The following SYT1 variants were observed in gnomAD, a reference collection of about 807,000 sequenced individuals.
The protein encoded by SYT1 is synaptotagmin-1.
SYT1 carries 8 observed loss-of-function variants against 44.8 expected under a neutral mutation model. The ratio of observed to expected loss-of-function variants is 0.18; its 90% CI spans 0.10 to 0.32. SYT1 has a LOEUF of 0.32. Among genes scored for constraint, SYT1 ranks in the 10% least tolerant of loss-of-function variants. The pLI, the probability that SYT1 is intolerant of heterozygous loss-of-function variation, is 1.00. For missense variants in SYT1, 286 were observed against 509.3 expected, an observed-to-expected ratio of 0.56 and a Z score of 4.22; for synonymous variants, 154 against 188.8, an observed-to-expected ratio of 0.82 and a Z score of 1.51.
chr12:79,274,293 C>T (rs1044701969), intron 4 of SYT1, among the ~76,000 whole-genome samples: 2 of 152,112 alleles, frequency 1.3e-5, no homozygotes, highest in Admixed American at 6.5e-5. Flanking sequence ...GGAAGTCTTG[C>T]ATCCTGGGTC....
At chr12:79,142,305 C>A (rs111821964) in intron 3 of SYT1, among the ~76,000 whole-genome samples, 40 of 152,304 alleles carry the variant, frequency 2.6e-4, no homozygotes, top group African/African-American at 9.6e-4. Context: ...AAAGTTACAG[C>A]TGAGAAATTA....
intron 1 of SYT1, among the ~76,000 whole-genome samples, chr12:78,903,415 A>G (rs1481881903): frequency 6.6e-6 from 1 of 151,826 alleles, no homozygotes; most frequent in Non-Finnish European, 1.5e-5. Context: ...CCTCCTGTGT[A>G]GCCTGGGATT....
intron 3 of SYT1, among the ~76,000 whole-genome samples, chr12:79,129,746 A>G (rs1868684167): frequency 6.6e-6 from 1 of 152,170 alleles, no homozygotes; most frequent in South Asian, 2.1e-4. Context: ...AGTACCTTTT[A>G]TCATCAAACC....
intron 8 of SYT1, among the ~76,000 whole-genome samples, chr12:79,315,213 A>G (rs1881025829): frequency 6.6e-6 from 1 of 151,992 alleles, no homozygotes; most frequent in Admixed American, 6.6e-5. Context: ...ATTAAATACA[A>G]TTAAAAAAAT....
chr12:79,148,143 G>A (rs1870039791), intron 3 of SYT1, among the ~76,000 whole-genome samples: 1 of 152,112 alleles, frequency 6.6e-6, no homozygotes, highest in Non-Finnish European at 1.5e-5. Flanking sequence ...GCAATCATAG[G>A]CATTTCAAAA....
At chr12:78,993,079 T>C (rs7976124) in intron 2 of SYT1, among the ~76,000 whole-genome samples, 31,201 of 152,088 alleles carry the variant, frequency 0.21, 3,800 homozygotes, top group African/African-American at 0.35. Flanking sequence ...TGCATCTACC[T>C]GCAACTCATC....
chr12:79,350,384 C>T (rs1306314074), intron 8 of SYT1, among the ~76,000 whole-genome samples: 3 of 151,460 alleles, frequency 2.0e-5, no homozygotes, highest in Non-Finnish European at 4.4e-5. Context: ...TCCAGAGTAG[C>T]TGGGACTACA....
intron 4 of SYT1, among the ~76,000 whole-genome samples, chr12:79,265,776 G>GA (rs1207682070): frequency 1.3e-5 from 2 of 152,084 alleles, no homozygotes; most frequent in South Asian, 2.1e-4. Context: ...CTCAGAAAGT[G>GA]AAAAAAACTA....
chr12:78,952,560 C>T (rs1879021597), intron 1 of SYT1, among the ~76,000 whole-genome samples: 1 of 152,030 alleles, frequency 6.6e-6, no homozygotes, highest in African/African-American at 2.4e-5. Context: ...CTGTATATGG[C>T]TAAAGCAAAA....
chr12:78,978,865 A>G (rs1869038849), intron 2 of SYT1, among the ~76,000 whole-genome samples: 1 of 152,208 alleles, frequency 6.6e-6, no homozygotes, highest in African/African-American at 2.4e-5. Context: ...CGCCAATACA[A>G]AAATACATAG....
chr12:79,256,196 A>G (rs1877505452), intron 4 of SYT1, among the ~76,000 whole-genome samples: 1 of 152,244 alleles, frequency 6.6e-6, no homozygotes, highest in Admixed American at 6.5e-5. Flanking sequence ...ATGCAGGACA[A>G]TGAGAGAAAC....
At chr12:79,122,684 A>G (rs1868296949) in intron 3 of SYT1, among the ~76,000 whole-genome samples, 1 of 152,142 alleles carries the variant, frequency 6.6e-6, no homozygotes, top group Non-Finnish European at 1.5e-5. Flanking sequence ...AGTTCCATTC[A>G]TTTTATTGCC....
chr12:78,967,200 C>G (rs1434649485), intron 1 of SYT1, among the ~76,000 whole-genome samples: 3 of 152,058 alleles, frequency 2.0e-5, no homozygotes, highest in African/African-American at 4.8e-5. Context: ...CATTTGTGCC[C>G]TTGAGGAATT....
chr12:79,302,001 T>C (rs1483398417), intron 8 of SYT1, among the ~76,000 whole-genome samples: 1 of 152,188 alleles, frequency 6.6e-6, no homozygotes, highest in Non-Finnish European at 1.5e-5. Flanking sequence ...GCATTTTATA[T>C]CTGAAGAATT....
chr12:79,221,020 G>A (rs1875127961), intron 4 of SYT1, among the ~76,000 whole-genome samples: 1 of 151,984 alleles, frequency 6.6e-6, no homozygotes, highest in Non-Finnish European at 1.5e-5. Context: ...ACTGAAAATG[G>A]GGTGTTAAGT....
intron 3 of SYT1, among the ~76,000 whole-genome samples, chr12:79,117,996 C>T (rs1288339902): frequency 1.3e-5 from 2 of 151,876 alleles, no homozygotes; most frequent in Non-Finnish European, 2.9e-5. Context: ...GAGCTAGACA[C>T]GTGGATTAGC....
chr12:79,426,363 G>A (rs1218076151), intron 9 of SYT1, among the ~76,000 whole-genome samples: 1 of 151,948 alleles, frequency 6.6e-6, no homozygotes, highest in African/African-American at 2.4e-5. Flanking sequence ...AGAGCAGAGT[G>A]TTCTAACCTT....
intron 3 of SYT1, among the ~76,000 whole-genome samples, chr12:79,104,718 A>G (rs555639429): frequency 6.6e-6 from 1 of 152,058 alleles, no homozygotes; most frequent in Non-Finnish European, 1.5e-5. Flanking sequence ...AAGTTCAGAT[A>G]CTGATAAATT....
At chr12:78,903,839 G>T (rs933505767) in intron 1 of SYT1, among the ~76,000 whole-genome samples, 3 of 151,856 alleles carry the variant, frequency 2.0e-5, no homozygotes, top group East Asian at 3.9e-4. Flanking sequence ...AATGTGCCAA[G>T]AATTTTCTTA....
Sources: gnomAD v4.1 joint callset for allele counts (sites outside exome capture counted in the v4.1 genomes callset) on GRCh38, gnomAD v4.1.1 for gene constraint, MANE v1.5 for transcripts, NCBI Gene and HGNC (gene_info 2026-07-23, HGNC 2026-07-21) for gene names.